The following PTPRN2 variants were observed in gnomAD, a reference collection of about 807,000 sequenced individuals.
PTPRN2 encodes protein tyrosine phosphatase receptor type N2.
A neutral mutation model predicts 118.8 loss-of-function variants in PTPRN2; 74 were observed. That is an observed-to-expected ratio of 0.62 (90% CI 0.52 to 0.76). The LOEUF is 0.76. Ranked by LOEUF, PTPRN2 falls within the 30% of genes least tolerant of loss-of-function variation. The pLI is 0.00. For synonymous variants in PTPRN2, 641 were observed against 608.0 expected (o/e 1.05, Z -0.80); for missense variants, 1,481 against 1,394.4 (o/e 1.06, Z -0.99).
intron 12 of PTPRN2, among the ~76,000 whole-genome samples, chr7:157,715,907 A>G (rs1452020338): frequency 6.6e-6 from 1 of 152,254 alleles, no homozygotes; most frequent in Non-Finnish European, 1.5e-5. Context: ...GATGGCAAGG[A>G]GCAGGGCAGC....
chr7:157,642,839 A>AAAAAAAAAAAAAAAAAAAC (rs1563293062), intron 14 of PTPRN2, among the ~76,000 whole-genome samples: 1 of 148,344 alleles, frequency 6.7e-6, no homozygotes, highest in Non-Finnish European at 1.5e-5. Flanking sequence ...AAAAAAAAAA[A>AAAAAAAAAAAAAAAAAAAC]AAAAAGCAGC....
chr7:158,175,365 A>G (rs1386216733), intron 5 of PTPRN2, among the ~76,000 whole-genome samples: 1 of 152,090 alleles, frequency 6.6e-6, no homozygotes, highest in Non-Finnish European at 1.5e-5. Context: ...CGGCTCGTGA[A>G]TGTGGGGTTG....
At chr7:158,286,758 T>C (rs1196146544) in intron 3 of PTPRN2, among the ~76,000 whole-genome samples, 2 of 152,212 alleles carry the variant, frequency 1.3e-5, no homozygotes, top group African/African-American at 4.8e-5. Flanking sequence ...TCTGCTGGTA[T>C]TCTTTCGAGG....
At chr7:158,223,968 C>T (rs1256415949) in intron 3 of PTPRN2, among the ~76,000 whole-genome samples, 1 of 152,136 alleles carries the variant, frequency 6.6e-6, no homozygotes, top group Non-Finnish European at 1.5e-5. Context: ...AGTTCTTGTA[C>T]TATATACTAA....
chr7:158,192,265 C>T, intron 5 of PTPRN2, 62 bp downstream of exon 5: 1 of 1,392,256 alleles, frequency 7.2e-7, no homozygotes, highest in Non-Finnish European at 9.4e-7. Context: ...GGAAACATGC[C>T]CAGGTACCTG....
At position 157,729,387 on chromosome 7, in the gene PTPRN2, C is replaced by A. The variant is rs1796244; in HGVS notation, c.1789-46450G>T. Among the ~76,000 whole-genome samples, 45,626 of 151,660 alleles carry A rather than the reference C, an allele frequency of 0.3. 7,400 individuals are homozygous for A. The highest frequency in any genetic ancestry group is 0.63 in the East Asian group (3,197 of 5,114). Reference sequence around the variant, plus strand: ...GGGCTGGATGCCTTCAGGTCCCGGACCCCCCACTCTGCTCCCGTGGACAGC... The same window carrying A: ...GGGCTGGATGCCTTCAGGTCCCGGAACCCCCACTCTGCTCCCGTGGACAGC... On this transcript the variant is annotated intron_variant, in intron 12 of 22. Coordinates refer to ENST00000389418, the MANE Select transcript of PTPRN2 (RefSeq NM_002847.5). The surrounding 1 kb of genome is among the most constrained non-coding windows in gnomAD (Gnocchi z 4.3).
At chr7:158,130,097 G>A (rs548073128) in intron 9 of PTPRN2, among the ~76,000 whole-genome samples, 12 of 152,232 alleles carry the variant, frequency 7.9e-5, no homozygotes, top group East Asian at 1.9e-4. Flanking sequence ...CACACTCTGC[G>A]GTTTGAGCTC....
chr7:158,229,086 A>G (rs536146388), intron 3 of PTPRN2, among the ~76,000 whole-genome samples: 1 of 151,902 alleles, frequency 6.6e-6, no homozygotes, highest in South Asian at 2.1e-4. Flanking sequence ...GACCTCTCCC[A>G]TTCAGTACAG....
intron 12 of PTPRN2, among the ~76,000 whole-genome samples, chr7:157,799,181 G>T (rs1459014885): frequency 6.6e-6 from 1 of 152,120 alleles, no homozygotes; most frequent in Non-Finnish European, 1.5e-5. Flanking sequence ...GTGTGCTCGT[G>T]GGGAGGAAGG....
At chr7:158,326,955 G>A (rs1803627974) in intron 2 of PTPRN2, among the ~76,000 whole-genome samples, 1 of 144,500 alleles carries the variant, frequency 6.9e-6, no homozygotes, top group African/African-American at 2.6e-5. Flanking sequence ...TTTCACACAT[G>A]CACACACGCA....
chr7:158,576,841 A>T (rs1371640964), intron 1 of PTPRN2, among the ~76,000 whole-genome samples: 1 of 142,062 alleles, frequency 7.0e-6, no homozygotes, highest in Non-Finnish European at 1.5e-5. Context: ...CCTACACAAC[A>T]CTGAGGGCTG....
chr7:157,861,324 A>G lies in PTPRN2; in HGVS notation c.1788+37349T>C, dbSNP rs188908106. ...GGATGAGAGGCCTGGATTGCACCGG[A>G]AGCACCTCCGGCTGGAGCTCGGCCA... On this transcript the variant is annotated intron_variant, in intron 12 of 22. Transcript: ENST00000389418. This position sits in a 1 kb window ranked among gnomAD's most constrained non-coding sequence, Gnocchi z 5.8. 2.7e-3 allele frequency among the ~76,000 whole-genome samples: 404 copies of G among 152,328 alleles called. No individual in the cohort carries two copies. Among genetic ancestry groups the G allele is most frequent in the Non-Finnish European group, 4.6e-3 (310 of 68,002 alleles).
At chr7:157,758,830 T>C (rs997786347) in intron 12 of PTPRN2, among the ~76,000 whole-genome samples, 2 of 152,266 alleles carry the variant, frequency 1.3e-5, no homozygotes, top group African/African-American at 4.8e-5. Context: ...ACGGGACTCC[T>C]AGTGGCTCTG....
At chr7:158,011,019 G>A (rs12698121) in intron 11 of PTPRN2, among the ~76,000 whole-genome samples, 87,698 of 152,078 alleles carry the variant, frequency 0.58, 26,635 homozygotes, top group East Asian at 0.81. Flanking sequence ...AAACACAGAC[G>A]GAATCCTGAA....
chr7:158,071,409 T>TA (rs1563391130), intron 11 of PTPRN2, among the ~76,000 whole-genome samples: 1 of 11,136 alleles, frequency 9.0e-5, no homozygotes, highest in Admixed American at 9.3e-4. Flanking sequence ...CGTGGTGGAG[T>TA]TGCTCCTGGT....
intron 9 of PTPRN2, among the ~76,000 whole-genome samples, chr7:158,130,806 C>T (rs777721592): frequency 6.6e-6 from 1 of 150,666 alleles, no homozygotes; most frequent in Non-Finnish European, 1.5e-5. Flanking sequence ...TACTCATCTA[C>T]CCAACACACA....
At chr7:158,008,047 G>A (rs1467699144) in intron 11 of PTPRN2, among the ~76,000 whole-genome samples, 1 of 146,122 alleles carries the variant, frequency 6.8e-6, no homozygotes, top group Non-Finnish European at 1.5e-5. Flanking sequence ...GTGGGTGTGT[G>A]TGGAGGTGTG....
chr7:158,027,761 G>T (rs564659567), intron 11 of PTPRN2: 1 of 147,682 alleles, frequency 6.8e-6, no homozygotes, highest in African/African-American at 2.5e-5. Flanking sequence ...CTGGCATCCT[G>T]TGGAACATAT....
At chr7:158,325,920 C>A (rs1367015799) in intron 2 of PTPRN2, among the ~76,000 whole-genome samples, 1 of 152,236 alleles carries the variant, frequency 6.6e-6, no homozygotes, top group Non-Finnish European at 1.5e-5. Context: ...ACAAAAGGAA[C>A]GGGCAGTCAG....
Sources: allele counts gnomAD v4.1 joint callset (sites outside exome capture counted in the v4.1 genomes callset), GRCh38; gene constraint gnomAD v4.1.1; non-coding constraint Gnocchi (gnomAD v3.1); transcripts MANE v1.5; gene names NCBI Gene and HGNC (gene_info 2026-07-23, HGNC 2026-07-21).